The following RNLS variants were observed in gnomAD, a reference collection of about 807,000 sequenced individuals.
RNLS encodes renalase, FAD dependent amine oxidase.
Under a neutral mutation model 39.8 loss-of-function variants are expected in RNLS, and 39 were observed. The observed-to-expected ratio is 0.98, with a 90% confidence interval of 0.76 to 1.28. The LOEUF (loss-of-function observed/expected upper bound fraction) is 1.28. Among genes scored for constraint, RNLS ranks in the 50% most tolerant of loss-of-function variants. The pLI, the probability that RNLS is intolerant of heterozygous loss-of-function variation, is 0.00. For synonymous variants in RNLS, 147 were observed against 150.7 expected, an observed-to-expected ratio of 0.98 and a Z score of 0.18; for missense variants, 410 against 413.3, an observed-to-expected ratio of 0.99 and a Z score of 0.07.
At chr10:88,225,989 G>C in the RNLS span, among the ~76,000 whole-genome samples, 295 of 152,014 alleles carry the variant, frequency 1.9e-3, 1 homozygote, top group Non-Finnish European at 3.0e-3. Context: ...TACTACTGGA[G>C]TGTTTTGTAT....
At chr10:88,418,181 C>T (rs72820026) in intron 4 of RNLS, among the ~76,000 whole-genome samples, 11,091 of 151,584 alleles carry the variant, frequency 0.073, 566 homozygotes, top group Admixed American at 0.15. Context: ...TTTTTTACTG[C>T]ATGCCTATAT....
chr10:88,415,871 G>C (rs1228120698), intron 4 of RNLS, among the ~76,000 whole-genome samples: 1 of 152,170 alleles, frequency 6.6e-6, no homozygotes, highest in African/African-American at 2.4e-5. Flanking sequence ...TGGAGGAGAA[G>C]ATATTAAGGT....
chr10:88,483,584 A>G (rs1281265814), intron 4 of RNLS, among the ~76,000 whole-genome samples: 1 of 152,124 alleles, frequency 6.6e-6, no homozygotes, highest in African/African-American at 2.4e-5. Flanking sequence ...TTACTTGAAT[A>G]ATTTTAGTCT....
At chr10:88,362,124 CAT>C (rs1234583144) in intron 5 of RNLS, among the ~76,000 whole-genome samples, 41 of 151,782 alleles carry the variant, frequency 2.7e-4, no homozygotes, top group Non-Finnish European at 1.5e-5. Context: ...ATTTTCATAA[CAT>C]AGTAAAATTC....
At chr10:88,553,434 C>T (rs1007523177) in intron 4 of RNLS, among the ~76,000 whole-genome samples, 1 of 152,150 alleles carries the variant, frequency 6.6e-6, no homozygotes, top group Non-Finnish European at 1.5e-5. Flanking sequence ...GGTTGAATCA[C>T]AAGTACTGTC....
chr10:88,394,489 A>G (rs1011862017), intron 4 of RNLS, among the ~76,000 whole-genome samples: 18 of 152,344 alleles, frequency 1.2e-4, no homozygotes, highest in Non-Finnish European at 2.2e-4. Context: ...CAAAACCACA[A>G]TGAGATACCA....
At chr10:88,542,317 G>A (rs1368178200) in intron 4 of RNLS, among the ~76,000 whole-genome samples, 1 of 152,116 alleles carries the variant, frequency 6.6e-6, no homozygotes, top group African/African-American at 2.4e-5. Flanking sequence ...GCACGTGACT[G>A]GGAATGAGAA....
downstream of RNLS, among the ~76,000 whole-genome samples, chr10:88,271,096 T>C (rs1167329037): frequency 6.6e-6 from 1 of 152,182 alleles, no homozygotes; most frequent in African/African-American, 2.4e-5. Flanking sequence ...CTTTGGCTTG[T>C]GGTACTGGAG....
chr10:88,186,703 CTG>C, the RNLS span, among the ~76,000 whole-genome samples: 70 of 152,040 alleles, frequency 4.6e-4, no homozygotes, highest in South Asian at 2.1e-4. Context: ...TTGGCTAACT[CTG>C]TTGGAAAATA....
At chr10:88,354,333 T>G (rs1254255761) in intron 5 of RNLS, among the ~76,000 whole-genome samples, 1 of 152,226 alleles carries the variant, frequency 6.6e-6, no homozygotes, top group Non-Finnish European at 1.5e-5. Flanking sequence ...CAATTTGGCA[T>G]GTTTTTGCAG....
At chr10:88,465,156 T>C (rs1457806418) in intron 4 of RNLS, among the ~76,000 whole-genome samples, 10 of 152,112 alleles carry the variant, frequency 6.6e-5, no homozygotes, top group Non-Finnish European at 1.5e-4. Context: ...CTCCTATTAT[T>C]GCTACTAGTA....
At chr10:88,426,084 CATTT>C (rs1211168509) in intron 4 of RNLS, among the ~76,000 whole-genome samples, 14 of 152,022 alleles carry the variant, frequency 9.2e-5, no homozygotes, top group Non-Finnish European at 1.2e-4. Flanking sequence ...TTCATTCATT[CATTT>C]AGTTTGTTAT....
chr10:88,503,927 T>G (rs950699090), intron 4 of RNLS, among the ~76,000 whole-genome samples: 1 of 152,148 alleles, frequency 6.6e-6, no homozygotes, highest in Non-Finnish European at 1.5e-5. Flanking sequence ...GCTTTCTCTC[T>G]CATCATATTC....
At position 88,494,635 on chromosome 10, in the gene RNLS, C is replaced by T. The variant is rs1167977984; in HGVS notation, c.526+78268G>A. Among the ~76,000 whole-genome samples, 4 of 152,026 alleles carry T rather than the reference C, an allele frequency of 2.6e-5. No individual in the cohort carries two copies. The South Asian group carries it at 8.3e-4, about 32-fold the overall frequency. ...TTCAAAAACCAGCCTGGTGGAGGAA[C>T]TATTTTCAAGGAGTAATATTACCAG... is the stretch of plus-strand genomic sequence containing the variant. On this transcript the variant is annotated intron_variant, in intron 4 of 6. Transcript: ENST00000331772.
intron 5 of RNLS, among the ~76,000 whole-genome samples, chr10:88,334,383 C>T (rs536078033): frequency 6.6e-6 from 1 of 152,194 alleles, no homozygotes; most frequent in Non-Finnish European, 1.5e-5. Context: ...CTAGAAACAA[C>T]AATGCCAACC....
At chr10:88,326,532 G>T (rs1427989851) in intron 5 of RNLS, among the ~76,000 whole-genome samples, 1 of 152,186 alleles carries the variant, frequency 6.6e-6, no homozygotes, top group Non-Finnish European at 1.5e-5. Context: ...TCAAGATGTG[G>T]TCTGTGTGCT....
chr10:88,348,285 G>C (rs1848447410), intron 5 of RNLS, among the ~76,000 whole-genome samples: 1 of 152,144 alleles, frequency 6.6e-6, no homozygotes, highest in Non-Finnish European at 1.5e-5. Context: ...ACAGTCATCT[G>C]ATTCTCATTC....
the RNLS span, among the ~76,000 whole-genome samples, chr10:88,264,940 G>C: frequency 6.6e-6 from 1 of 152,168 alleles, no homozygotes; most frequent in Admixed American, 6.5e-5. Flanking sequence ...TTTTTCCAAT[G>C]TTATCTTCTA....
At chr10:88,537,976 A>C (rs1216531637) in intron 4 of RNLS, among the ~76,000 whole-genome samples, 1 of 152,204 alleles carries the variant, frequency 6.6e-6, no homozygotes. Context: ...ACTTGGAGAA[A>C]AAAAGAATAA....
Sources: gnomAD v4.1 joint callset for allele counts (sites outside exome capture counted in the v4.1 genomes callset) on GRCh38, gnomAD v4.1.1 for gene constraint, MANE v1.5 for transcripts, NCBI Gene and HGNC (gene_info 2026-07-23, HGNC 2026-07-21) for gene names.